Variants in SLC11A2 observed in about 807,000 individuals in gnomAD.
The protein encoded by SLC11A2 is natural resistance-associated macrophage protein 2.
Under a neutral mutation model 68.0 loss-of-function variants are expected in SLC11A2, and 38 were observed. The ratio of observed to expected loss-of-function variants is 0.56; its 90% CI spans 0.43 to 0.73. The LOEUF (loss-of-function observed/expected upper bound fraction) is 0.73, where lower values mean the gene tolerates loss of function less well. SLC11A2 is among the 30% of genes least tolerant of loss of function. The pLI, the probability that SLC11A2 is intolerant of heterozygous loss-of-function variation, is 0.00. For missense variants in SLC11A2, 517 were observed against 690.5 expected, an observed-to-expected ratio of 0.75 and a Z score of 2.82; for synonymous variants, 242 against 250.6, an observed-to-expected ratio of 0.97 and a Z score of 0.32.
chr12:51,006,378 G>A, intron 3 of SLC11A2: 1 of 154,168 alleles, frequency 6.5e-6, no homozygotes, highest in South Asian at 2.0e-4. Context: ...GCAATAACAT[G>A]CTAAATTCCA....
At chr12:50,999,543 A>G in intron 6 of SLC11A2, 128 bp from the exon 7 acceptor site, 1 of 773,388 alleles carries the variant, frequency 1.3e-6, no homozygotes, top group Non-Finnish European at 2.3e-6. Context: ...GAGGAGGGAC[A>G]ATGGCAGAAA....
downstream of SLC11A2, chr12:50,979,544 T>C (rs1939907599): frequency 4.4e-6 from 1 of 226,360 alleles, no homozygotes; most frequent in South Asian, 6.3e-5. Context: ...GTTGTTGTCC[T>C]GTATAAAGAA....
the SLC11A2 span, among the ~76,000 whole-genome samples, chr12:50,952,620 A>T: frequency 6.6e-6 from 1 of 152,156 alleles, no homozygotes; most frequent in Non-Finnish European, 1.5e-5. Context: ...AGGCGCAGGG[A>T]CTAGCCACAG....
the SLC11A2 span, among the ~76,000 whole-genome samples, chr12:50,952,758 C>T: frequency 6.6e-6 from 1 of 152,232 alleles, no homozygotes; most frequent in South Asian, 2.1e-4. Flanking sequence ...GAGATTCCAA[C>T]TGCAGGGAGC....
At chr12:50,965,568 G>A in the SLC11A2 span, among the ~76,000 whole-genome samples, 1 of 152,176 alleles carries the variant, frequency 6.6e-6, no homozygotes, top group African/African-American at 2.4e-5. Flanking sequence ...ATAACAGAGA[G>A]TGGGTTCAGT....
In SLC11A2 at chr12:51,018,843, A is replaced by C. The variant is rs552926819; in HGVS notation, c.-39+7467T>G. ...ATATAAAATTCCCCTATAGAGAATA[A>C]AGGTACTCAAAACCATTTCACTAGT... On this transcript the variant is annotated intron_variant, in intron 1 of 15. Transcript: ENST00000262052. Among the ~76,000 whole-genome samples the C allele has an allele frequency of 3.9e-5, 6 of 152,352 alleles. No homozygotes were observed. In the East Asian group the frequency reaches 9.6e-4, roughly 24 times the overall value.
At chr12:50,996,577 AT>A (rs1329419959) in intron 9 of SLC11A2, among the ~76,000 whole-genome samples, 25 of 150,826 alleles carry the variant, frequency 1.7e-4, no homozygotes, top group African/African-American at 6.1e-4. Context: ...CTCCATCTCA[AT>A]TTAAAAAAAA....
At chr12:51,023,640 A>G (rs1944189193) in intron 1 of SLC11A2, among the ~76,000 whole-genome samples, 1 of 152,002 alleles carries the variant, frequency 6.6e-6, no homozygotes, top group South Asian at 2.1e-4. Flanking sequence ...CCTCAAACAC[A>G]CTCAGTTCTT....
chr12:50,991,662 G>A lies in SLC11A2; in HGVS notation c.1358C>T (p.Ala453Val). Residue 453 changes from alanine (A) to valine (V), a missense_variant, in exon 14 of 16, where the codon GCT (alanine) becomes GTT (valine). Transcript: ENST00000262052. ...CGTAAATGTGAGGATGGGTATGAGAGCAAAGGGAAGCTGGAAAAGAAAGAA... is the reference window on the plus strand; with the variant it reads ...CGTAAATGTGAGGATGGGTATGAGAACAAAGGGAAGCTGGAAAAGAAAGAA... The part of the protein sequence containing the change: ...NVLQSLQLPF[A>V]LIPILTFTSL... 10 of 1,613,658 alleles carry A rather than the reference G, an allele frequency of 6.2e-6. No homozygotes were observed. The highest frequency in any genetic ancestry group is 8.5e-6 in the Non-Finnish European group (10 of 1,179,746).
chr12:50,973,534 G>A, the SLC11A2 span, among the ~76,000 whole-genome samples: 1 of 152,130 alleles, frequency 6.6e-6, no homozygotes, highest in Non-Finnish European at 1.5e-5. Context: ...ACCACAAAGA[G>A]GGGAAAAAAC....
At chr12:50,998,267 A>T (rs1051192399) in intron 8 of SLC11A2, among the ~76,000 whole-genome samples, 4 of 152,096 alleles carry the variant, frequency 2.6e-5, no homozygotes, top group African/African-American at 9.7e-5. Flanking sequence ...GCTGAGGCAC[A>T]AGAACCACTT....
chr12:51,007,013 G>A (rs1385511029), intron 3 of SLC11A2, among the ~76,000 whole-genome samples: 1 of 152,132 alleles, frequency 6.6e-6, no homozygotes, highest in Non-Finnish European at 1.5e-5. Context: ...CTCCCAAAGT[G>A]CTGGGATTAC....
Position 50,987,581 on chromosome 12 carries a change from G to C in SLC11A2, c.*744C>G. 1 of 1,287,132 alleles carries C rather than the reference G, an allele frequency of 7.8e-7. No individual in the cohort carries two copies. The highest frequency in any genetic ancestry group is 1.0e-6 in the Non-Finnish European group (1 of 988,636). 79.7% of individuals were successfully genotyped at this position (1,287,132 alleles called of 1,614,324 possible). ...TCATCAGGAAAGCTCTGTACTAACA[G>C]GCAGGTTATTAAGACTCCCAAGAAA... is the stretch of plus-strand genomic sequence containing the variant. On this transcript the variant is annotated 3_prime_UTR_variant, in exon 16 of 16. Transcript: ENST00000262052.
intron 10 of SLC11A2, chr12:50,994,846 G>A (rs1049713464): frequency 2.0e-5 from 11 of 562,206 alleles, no homozygotes; most frequent in Non-Finnish European, 2.6e-5. Context: ...TCTTTACTGA[G>A]TTACAGTGTG....
chr12:51,023,701 T>C (rs1944192954), intron 1 of SLC11A2, among the ~76,000 whole-genome samples: 1 of 152,142 alleles, frequency 6.6e-6, no homozygotes. Context: ...ACAAAGACAT[T>C]GTCCTTCACT....
intron 1 of SLC11A2, among the ~76,000 whole-genome samples, chr12:51,011,555 T>G (rs536346857): frequency 6.7e-6 from 1 of 148,958 alleles, no homozygotes; most frequent in African/African-American, 2.5e-5. Flanking sequence ...ATGAGTTGTT[T>G]TTTTTTGTTT....
At chr12:51,026,020 G>A in intron 1 of SLC11A2, 1 of 1,049,712 alleles carries the variant, frequency 9.5e-7, no homozygotes. Context: ...GCTGGGAGCT[G>A]GGCCATGTGT....
chr12:50,984,554 A>G (rs1436321708), downstream of SLC11A2, among the ~76,000 whole-genome samples: 1 of 152,100 alleles, frequency 6.6e-6, no homozygotes, highest in Non-Finnish European at 1.5e-5. Context: ...TTCATTGGAG[A>G]TGTTTGTTAT....
upstream of SLC11A2, among the ~76,000 whole-genome samples, chr12:51,026,758 G>A (rs1235720898): frequency 6.6e-6 from 1 of 152,150 alleles, no homozygotes; most frequent in Non-Finnish European, 1.5e-5. Flanking sequence ...GGCCAGGCGC[G>A]GAGGCTCACA....
Sources: allele counts gnomAD v4.1 joint callset (sites outside exome capture counted in the v4.1 genomes callset), GRCh38; gene constraint gnomAD v4.1.1; transcripts MANE v1.5; gene names NCBI Gene and HGNC (gene_info 2026-07-23, HGNC 2026-07-21).